The following DDAH1 variants were observed in gnomAD, a reference collection of about 807,000 sequenced individuals.
DDAH1 encodes the protein N(G),N(G)-dimethylarginine dimethylaminohydrolase 1.
A neutral mutation model predicts 28.8 loss-of-function variants in DDAH1; 19 were observed. The observed-to-expected ratio is 0.66, with a 90% CI of 0.46 to 0.97. The LOEUF (loss-of-function observed/expected upper bound fraction) is 0.97, where lower values mean the gene tolerates loss of function less well. DDAH1 is among the 50% of genes least tolerant of loss of function. DDAH1 has a pLI of 0.00. For synonymous variants in DDAH1, 153 were observed against 154.4 expected (o/e 0.99, Z 0.07); for missense variants, 326 against 375.9 (o/e 0.87, Z 1.10).
At chr1:85,551,065 G>C (rs1025074246) in intron 1 of DDAH1, among the ~76,000 whole-genome samples, 1 of 152,194 alleles carries the variant, frequency 6.6e-6, no homozygotes, top group Non-Finnish European at 1.5e-5. Flanking sequence ...ACAATGTCAG[G>C]AAGGATTTTA....
At chr1:85,480,318 A>G (rs1180286014) in intron 2 of DDAH1, among the ~76,000 whole-genome samples, 2 of 152,182 alleles carry the variant, frequency 1.3e-5, no homozygotes, top group African/African-American at 4.8e-5. Context: ...ATAAAACCTA[A>G]TAAACCTATT....
chr1:85,447,277 C>A (rs2100663226), intron 1 of DDAH1, among the ~76,000 whole-genome samples: 1 of 152,318 alleles, frequency 6.6e-6, no homozygotes, highest in South Asian at 2.1e-4. Context: ...AGCTATATAT[C>A]ACTTGGTTGC....
At chr1:85,534,873 T>C (rs1658217905) in intron 1 of DDAH1, among the ~76,000 whole-genome samples, 2 of 152,208 alleles carry the variant, frequency 1.3e-5, no homozygotes, top group Non-Finnish European at 2.9e-5. Context: ...ATATAGCATA[T>C]ATTTGATTTG....
At chr1:85,466,433 G>A (rs1276679121), upstream of DDAH1, among the ~76,000 whole-genome samples, 2 of 152,156 alleles carry the variant, frequency 1.3e-5, no homozygotes, top group African/African-American at 4.8e-5. Context: ...ATTTTTAGCA[G>A]AGACAGGGTT....
intron 1 of DDAH1, among the ~76,000 whole-genome samples, chr1:85,410,031 AG>A (rs1414270212): frequency 2.0e-5 from 3 of 152,234 alleles, no homozygotes; most frequent in Non-Finnish European, 1.5e-5. Context: ...CTGTAATCCC[AG>A]CACTTTGGGA....
upstream of DDAH1, chr1:85,465,250 G>T: frequency 9.2e-7 from 1 of 1,088,262 alleles, no homozygotes; most frequent in South Asian, 4.5e-5. Context: ...CGCATCCCGC[G>T]CGCCCACTCC....
At chr1:85,341,735 C>T (rs1182504946) in intron 4 of DDAH1, among the ~76,000 whole-genome samples, 1 of 152,118 alleles carries the variant, frequency 6.6e-6, no homozygotes, top group African/African-American at 2.4e-5. Flanking sequence ...ATGGCGTGAA[C>T]CCGGGAGGTG....
chr1:85,473,670 T>C (rs1402191217), intron 2 of DDAH1, among the ~76,000 whole-genome samples: 1 of 152,160 alleles, frequency 6.6e-6, no homozygotes, highest in Non-Finnish European at 1.5e-5. Flanking sequence ...TATACACATG[T>C]CCAAAGAATC....
intron 1 of DDAH1, among the ~76,000 whole-genome samples, chr1:85,441,082 G>A (rs1356044481): frequency 1.3e-5 from 2 of 152,212 alleles, no homozygotes; most frequent in African/African-American, 4.8e-5. Flanking sequence ...ACTATCCTCG[G>A]TGAAGGCTCC....
intron 1 of DDAH1, among the ~76,000 whole-genome samples, chr1:85,525,567 T>TCTCACACACACACACACACACACACACA (rs1553145745): frequency 6.7e-6 from 1 of 148,984 alleles, no homozygotes; most frequent in Non-Finnish European, 1.5e-5. Context: ...AGAATGATAT[T>TCTCACACACACACACACACACACACACA]CACACACACA....
At position 85,321,235 on chromosome 1, in the gene DDAH1, G is replaced by T; in HGVS notation, c.*217C>A. 1 of 506,970 alleles carries T rather than the reference G, an allele frequency of 2.0e-6. No individual in the cohort carries two copies. The highest frequency in any genetic ancestry group is 3.5e-6 in the Non-Finnish European group (1 of 282,378). 31.4% of individuals were successfully genotyped at this position (506,970 alleles called of 1,614,324 possible). ...TCATTAGCTCTGTATCTTCTAGGTT[G>T]CTTAATTCATTTAGCAAATCCACAG... On this transcript the variant is annotated 3_prime_UTR_variant, in exon 6 of 6. Coordinates refer to ENST00000284031, the MANE Select transcript of DDAH1 (RefSeq NM_012137.4).
At position 85,465,078 on chromosome 1, in the gene DDAH1, C is replaced by A. The variant is rs1234479052; in HGVS notation, c.-33G>T. On this transcript the variant is annotated 5_prime_UTR_variant, in exon 1 of 6. Coordinates refer to ENST00000284031, the MANE Select transcript of DDAH1 (RefSeq NM_012137.4). The stretch of plus-strand genomic sequence containing the variant: ...GGAGGCTTAGGGGCGGCGGCGGCGG[C>A]GGAGGCGGCCGGGTCCTGCCGCGGG... 6 of 1,215,288 alleles carry A rather than the reference C, an allele frequency of 4.9e-6. No individual in the cohort carries two copies. Among genetic ancestry groups the A allele is most frequent in the South Asian group, 4.0e-5 (1 of 24,806 alleles). 75.3% of individuals were successfully genotyped at this position (1,215,288 alleles called of 1,614,324 possible).
intron 1 of DDAH1, among the ~76,000 whole-genome samples, chr1:85,546,140 A>T (rs1205263478): frequency 6.6e-6 from 1 of 152,120 alleles, no homozygotes; most frequent in African/African-American, 2.4e-5. Context: ...CCAAAAAAAA[A>T]AAAACATGCG....
chr1:85,332,620 C>T (rs2100804142), intron 4 of DDAH1, among the ~76,000 whole-genome samples: 1 of 152,182 alleles, frequency 6.6e-6, no homozygotes, highest in East Asian at 1.9e-4. Context: ...TGTCCTCCAT[C>T]AGTGCCCAAG....
At chr1:85,565,082 G>C (rs1659257733) in intron 1 of DDAH1, among the ~76,000 whole-genome samples, 1 of 148,874 alleles carries the variant, frequency 6.7e-6, no homozygotes, top group Non-Finnish European at 1.5e-5. Context: ...CACACTTATA[G>C]TCCCAGCTAC....
chr1:85,406,877 A>G, intron 1 of DDAH1, among the ~76,000 whole-genome samples: 1 of 152,250 alleles, frequency 6.6e-6, no homozygotes, highest in South Asian at 2.1e-4. Context: ...GCTTTAAAAT[A>G]AAATGCTATA....
At chr1:85,353,951 A>T (rs1482066810) in intron 2 of DDAH1, among the ~76,000 whole-genome samples, 2 of 152,074 alleles carry the variant, frequency 1.3e-5, no homozygotes, top group African/African-American at 2.4e-5. Context: ...GAAAAAAAGT[A>T]AAAAAAGGCT....
intron 1 of DDAH1, among the ~76,000 whole-genome samples, chr1:85,542,750 C>T (rs190804374): frequency 2.8e-4 from 42 of 152,202 alleles, no homozygotes; most frequent in Middle Eastern, 3.2e-3. Context: ...ATTTTCCATT[C>T]TCTTTCCACT....
chr1:85,547,587 C>A (rs1322811463), intron 1 of DDAH1, among the ~76,000 whole-genome samples: 1 of 152,198 alleles, frequency 6.6e-6, no homozygotes, highest in Admixed American at 6.5e-5. Flanking sequence ...TGAATACTCT[C>A]TATGACTGCA....
Sources: allele counts gnomAD v4.1 joint callset (sites outside exome capture counted in the v4.1 genomes callset), GRCh38; gene constraint gnomAD v4.1.1; transcripts MANE v1.5; gene names NCBI Gene and HGNC (gene_info 2026-07-23, HGNC 2026-07-21).